LPL: variants seen among roughly 807,000 people sequenced by gnomAD.
LPL encodes the protein phospholipase A1.
A neutral mutation model predicts 52.2 loss-of-function variants in LPL; 43 were observed. The ratio of observed to expected loss-of-function variants is 0.82; its 90% CI spans 0.64 to 1.06. The LOEUF (loss-of-function observed/expected upper bound fraction) is 1.06. Ranked by LOEUF, LPL falls within the 50% of genes least tolerant of loss-of-function variation. The pLI, the probability that LPL is intolerant of heterozygous loss-of-function variation, is 0.00. For synonymous variants in LPL, 244 were observed against 215.6 expected (o/e 1.13, Z -1.15); for missense variants, 639 against 585.3 (o/e 1.09, Z -0.95).
In LPL at chr8:19,967,098, T is replaced by C. The variant is rs894550368; in HGVS notation, c.*1788T>C. ...AGGTCATTGTGGCTATCTGCATTTA[T>C]AAATGTGTGGTGCTAACTGTATGTG... is the stretch of plus-strand genomic sequence containing the variant. On this transcript the variant is annotated 3_prime_UTR_variant, in exon 10 of 10. Coordinates refer to ENST00000650287, the MANE Select transcript of LPL (RefSeq NM_000237.3). The C allele has an allele frequency of 2.0e-5, 3 of 151,228 alleles. No homozygotes were observed. The highest frequency in any genetic ancestry group is 6.6e-5 in the Admixed American group (1 of 15,150). 9.4% of individuals were successfully genotyped at this position (151,228 alleles called of 1,614,324 possible).
chr8:19,955,974 G>A lies in LPL; in HGVS notation c.909G>A (p.Leu303=). 1 of 1,614,194 alleles carries A rather than the reference G, an allele frequency of 6.2e-7. No homozygotes were observed. Among genetic ancestry groups the A allele is most frequent in the Non-Finnish European group, 8.5e-7 (1 of 1,180,042 alleles). ...SKEAFEKGLC[L]SCRKNRCNNL... is the part of the protein sequence containing the mutation. ...AAGCCTTTGAGAAAGGGCTCTGCTT[G>A]AGTTGTAGAAAGAACCGCTGCAACA... Residue 303 remains leucine (L), a synonymous_variant, in exon 6 of 10, where the codon TTG becomes TTA. Coordinates refer to ENST00000650287, the MANE Select transcript of LPL (RefSeq NM_000237.3).
rs2070094608 is a variant in LPL, at chr8:19,966,925, A to G, written c.*1615A>G. ...GTTGTGACCCAGGGTGCATTAACTT[A>G]AAAGATTCACTAAAGCAGCACATAG... On this transcript the variant is annotated 3_prime_UTR_variant, in exon 10 of 10. Transcript: ENST00000650287. 6.6e-6 allele frequency: 1 copy of G among 152,660 alleles called. No individual in the cohort carries two copies. The highest frequency in any genetic ancestry group is 2.4e-5 in the African/African-American group (1 of 41,470). 9.5% of individuals were successfully genotyped at this position (152,660 alleles called of 1,614,324 possible). A position where few individuals can be genotyped will look rare whatever the true frequency, so the allele number is the denominator to read the frequency against.
chr8:19,960,458 A>G (rs560327805), intron 7 of LPL, among the ~76,000 whole-genome samples: 1 of 152,334 alleles, frequency 6.6e-6, no homozygotes, highest in African/African-American at 2.4e-5. Context: ...AGTCATTAAA[A>G]TCAATCTAGC....
chr8:19,949,643 C>T (rs368653576), intron 2 of LPL, among the ~76,000 whole-genome samples: 5 of 152,080 alleles, frequency 3.3e-5, no homozygotes, highest in Admixed American at 1.3e-4. Context: ...CCACCACACC[C>T]GGCCAATTTT....
intron 6 of LPL, 144 bp downstream of exon 6, chr8:19,956,227 G>C (rs1367273272): frequency 5.0e-6 from 6 of 1,202,464 alleles, no homozygotes; most frequent in Non-Finnish European, 7.2e-6. Flanking sequence ...TCTGTTGATA[G>C]GGGGTTGCAT....
In LPL at chr8:19,947,713, G is replaced by T. The variant is rs142309823; in HGVS notation, c.89-467G>T. ...TGGAACTATAGCACACAAGAGCCAT[G>T]CATGAGTCAGTGTTCTCCACGAAAG... On this transcript the variant is annotated intron_variant, in intron 1 of 9. Transcript: ENST00000650287. Among the ~76,000 whole-genome samples, 133 of 128,986 alleles carry T rather than the reference G, an allele frequency of 1.0e-3. No homozygotes were observed. The Middle Eastern group carries it at 0.024, about 23-fold the overall frequency. 84.6% of individuals were successfully genotyped at this position (128,986 alleles called of 152,430 possible). A position where few individuals can be genotyped will look rare whatever the true frequency, so the allele number is the denominator to read the frequency against.
chr8:19,951,831 A>G lies in LPL; in HGVS notation c.312A>G (p.Pro104=). The G allele has an allele frequency of 1.2e-6, 2 of 1,614,222 alleles. No individual in the cohort carries two copies. Among genetic ancestry groups the G allele is most frequent in the Non-Finnish European group, 8.5e-7 (1 of 1,180,046 alleles). ...TGGCCGCCCTGTACAAGAGAGAACC[A>G]GACTCCAATGTCATTGTGGTGGACT... ...KLVAALYKRE[P]DSNVIVVDWL... is the part of the protein sequence containing the mutation. The change falls in exon 3 of 10, where the codon CCA becomes CCG. Residue 104 remains proline, a synonymous_variant. Transcript: ENST00000650287.
intron 6 of LPL, among the ~76,000 whole-genome samples, chr8:19,958,152 G>A (rs1302932201): frequency 1.3e-5 from 2 of 151,894 alleles, no homozygotes; most frequent in African/African-American, 4.8e-5. Context: ...CTGAGTAACT[G>A]GGATTACAGG....
chr8:19,956,917 G>A (rs1218009442), intron 6 of LPL, among the ~76,000 whole-genome samples: 2 of 152,074 alleles, frequency 1.3e-5, no homozygotes, highest in Admixed American at 6.6e-5. Flanking sequence ...TCTGCCTCCC[G>A]GGTTCAAATG....
rs572665913 is a variant in LPL, at chr8:19,944,636, C to T, written c.89-3544C>T. Among the ~76,000 whole-genome samples the T allele has an allele frequency of 6.6e-6, 1 of 151,792 alleles. No homozygotes were observed. Among genetic ancestry groups the T allele is most frequent in the South Asian group, 2.1e-4 (1 of 4,824 alleles). ...TGGGATGCTCAACACTTCCCTCTTT[C>T]TAGCAACAAGAATTACCACTCTTCC... On this transcript the variant is annotated intron_variant, in intron 1 of 9. Transcript: ENST00000650287. This position sits in a 1 kb window ranked among gnomAD's most constrained non-coding sequence, Gnocchi z 4.2.
Position 19,944,140 on chromosome 8 carries a change from C to T in LPL, c.89-4040C>T, listed in dbSNP as rs997920145. Among the ~76,000 whole-genome samples the T allele has an allele frequency of 5.9e-5, 9 of 152,010 alleles. No individual in the cohort carries two copies. Among genetic ancestry groups the T allele is most frequent in the African/African-American group, 2.2e-4 (9 of 41,386 alleles). On this transcript the variant is annotated intron_variant, in intron 1 of 9. Coordinates refer to ENST00000650287, the MANE Select transcript of LPL (RefSeq NM_000237.3). This position sits in a 1 kb window ranked among gnomAD's most constrained non-coding sequence, Gnocchi z 4.2. ...GGCATAGGTTGCAGTGAGTCACGAT[C>T]GTGCCACTGCACTCCAGCCTGGGTG...
chr8:19,951,005 G>C (rs1321527411), intron 2 of LPL, among the ~76,000 whole-genome samples: 1 of 151,970 alleles, frequency 6.6e-6, no homozygotes, highest in African/African-American at 2.4e-5. Flanking sequence ...TTCTGATAGA[G>C]GCCTAGAGTA....
chr8:19,955,972 T>C lies in LPL; in HGVS notation c.907T>C (p.Leu303=). The change falls in exon 6 of 10, where the codon TTG becomes CTG. Residue 303 remains leucine, a synonymous_variant. Transcript: ENST00000650287. ...SKEAFEKGLC[L]SCRKNRCNNL... is the part of the protein sequence containing the mutation. The stretch of plus-strand genomic sequence containing the variant: ...GGAAGCCTTTGAGAAAGGGCTCTGC[T>C]TGAGTTGTAGAAAGAACCGCTGCAA... 1 of 1,614,170 alleles carries C rather than the reference T, an allele frequency of 6.2e-7. No homozygotes were observed. Among genetic ancestry groups the C allele is most frequent in the Non-Finnish European group, 8.5e-7 (1 of 1,180,030 alleles).
Position 19,966,777 on chromosome 8 carries a change from A to G in LPL, c.*1467A>G, listed in dbSNP as rs189691170. 6.6e-5 allele frequency: 10 copies of G among 152,296 alleles called. No homozygotes were observed. Among genetic ancestry groups the G allele is most frequent in the African/African-American group, 2.4e-4 (10 of 41,556 alleles). The allele number at this position is 152,296 out of a possible 1,614,324, so 9.4% of individuals were successfully genotyped here. Reference sequence around the variant, plus strand: ...TCTGAGAGAGATGATCGTGCCTATAAATAGTAGGACCAATGTTGTGATTAA... The same window carrying G: ...TCTGAGAGAGATGATCGTGCCTATAGATAGTAGGACCAATGTTGTGATTAA... On this transcript the variant is annotated 3_prime_UTR_variant, in exon 10 of 10. Transcript: ENST00000650287.
At position 19,962,099 on chromosome 8, in the gene LPL, C is replaced by T; in HGVS notation, c.1323-16C>T. 6.4e-7 allele frequency: 1 copy of T among 1,550,758 alleles called. No homozygotes were observed. Among genetic ancestry groups the T allele is most frequent in the Non-Finnish European group, 8.9e-7 (1 of 1,122,332 alleles). On this transcript the variant is annotated splice_polypyrimidine_tract_variant and intron_variant, in intron 8 of 9. Transcript: ENST00000650287. ...ATTGTTCTACATGGCATATTCACAT[C>T]CATTTTCTTCCACAGGGTGATCTTC...
intron 1 of LPL, among the ~76,000 whole-genome samples, chr8:19,943,439 C>T (rs1485167965): frequency 6.6e-6 from 1 of 152,128 alleles, no homozygotes; most frequent in African/African-American, 2.4e-5. Flanking sequence ...TACATTTTAA[C>T]TAAAAAGAAT....
At chr8:19,940,354 G>A (rs188201547) in intron 1 of LPL, among the ~76,000 whole-genome samples, 1 of 152,308 alleles carries the variant, frequency 6.6e-6, no homozygotes, top group Non-Finnish European at 1.5e-5. Flanking sequence ...TTCTGTCCTG[G>A]GGGCTGAGGT....
In LPL at chr8:19,939,771, G is replaced by T. The variant is rs568399125; in HGVS notation, c.88+243G>T. 1.7e-4 allele frequency among the ~76,000 whole-genome samples: 26 copies of T among 152,314 alleles called. No homozygotes were observed. The highest frequency in any genetic ancestry group is 6.3e-4 in the African/African-American group (26 of 41,586). ...CGCTTTTTCTCTCTGCCGGGTTCCC[G>T]CGCTATCCCTTCCACTCTGGCTGGG... On this transcript the variant is annotated intron_variant, in intron 1 of 9. Transcript: ENST00000650287. This position sits in a 1 kb window ranked among gnomAD's most constrained non-coding sequence, Gnocchi z 4.0.
chr8:19,963,391 G>A (rs952166054), intron 9 of LPL, among the ~76,000 whole-genome samples: 4 of 149,562 alleles, frequency 2.7e-5, no homozygotes, highest in African/African-American at 9.9e-5. Flanking sequence ...AGATGAGATC[G>A]CGCCATTATA....
Sources: allele counts gnomAD v4.1 joint callset (sites outside exome capture counted in the v4.1 genomes callset), GRCh38; gene constraint gnomAD v4.1.1; non-coding constraint Gnocchi (gnomAD v3.1); transcripts MANE v1.5; gene names NCBI Gene and HGNC (gene_info 2026-07-23, HGNC 2026-07-21).